Variants in WDR20 observed in about 807,000 individuals in gnomAD.
WDR20 encodes the protein WD repeat domain 20, also known as WD repeat-containing protein 20.
In WDR20, 3 loss-of-function variants were observed where a neutral mutation model predicts 38.7. The observed-to-expected ratio is 0.08, with a 90% CI of 0.04 to 0.20. WDR20 has a LOEUF of 0.20. WDR20 is among the 10% of genes least tolerant of loss of function. The pLI is 1.00. For missense variants in WDR20, 559 were observed against 727.7 expected, an observed-to-expected ratio of 0.77 and a Z score of 2.67; for synonymous variants, 298 against 285.6, an observed-to-expected ratio of 1.04 and a Z score of -0.44.
intron 1 of WDR20, among the ~76,000 whole-genome samples, chr14:102,171,876 GTTTTT>G (rs1011215592): frequency 2.8e-5 from 4 of 144,280 alleles, no homozygotes; most frequent in Admixed American, 6.8e-5. Context: ...GGATTTTTCT[GTTTTT>G]TATTTTTGTT....
intron 1 of WDR20, among the ~76,000 whole-genome samples, chr14:102,148,667 CTTTGTGTGTGTGTG>C (rs2054555891): frequency 2.1e-5 from 2 of 94,874 alleles, no homozygotes; most frequent in South Asian, 7.8e-4. Flanking sequence ...AAGAGTTTGG[CTTTGTGTGTGTGTG>C]TGTGTGTGTG....
intron 1 of WDR20, among the ~76,000 whole-genome samples, chr14:102,146,757 G>A (rs929457424): frequency 2.0e-5 from 3 of 152,028 alleles, no homozygotes; most frequent in African/African-American, 7.2e-5. Context: ...ATATTTTACT[G>A]CTTCAGAGAG....
downstream of WDR20, chr14:102,224,792 C>T (rs2064173442): frequency 6.6e-6 from 3 of 455,848 alleles, no homozygotes; most frequent in Non-Finnish European, 1.3e-5. Context: ...TGGAGTGAGT[C>T]TTCTAGAAAG....
chr14:102,199,749 C>A lies in WDR20; in HGVS notation c.432+4629C>A, dbSNP rs78529428. Among the ~76,000 whole-genome samples the A allele has an allele frequency of 4.1e-3, 630 of 152,268 alleles. 3 individuals carry two copies. The highest frequency in any genetic ancestry group is 5.7e-3 in the Admixed American group (87 of 15,300). On this transcript the variant is annotated intron_variant, in intron 2 of 2. Coordinates refer to ENST00000342702, the MANE Select transcript of WDR20 (RefSeq NM_144574.4). The stretch of plus-strand genomic sequence containing the variant: ...AAATGGAATTATAAATTTCAGAAAT[C>A]CACCTGAGATAAACATAGATGAAAA...
intron 1 of WDR20, among the ~76,000 whole-genome samples, chr14:102,168,861 A>G (rs577742248): frequency 6.6e-6 from 1 of 152,254 alleles, no homozygotes; most frequent in East Asian, 1.9e-4. Context: ...CACTTGGATT[A>G]TTACAGAGGT....
In WDR20 at chr14:102,210,292, G is replaced by A; in HGVS notation, c.*412G>A. 1.0e-6 allele frequency: 1 copy of A among 991,446 alleles called. No individual in the cohort carries two copies. Among genetic ancestry groups the A allele is most frequent in the Non-Finnish European group, 1.2e-6 (1 of 833,572 alleles). 61.4% of individuals were successfully genotyped at this position (991,446 alleles called of 1,614,324 possible). On this transcript the variant is annotated 3_prime_UTR_variant, in exon 3 of 3. Transcript: ENST00000342702. ...AATATTGTACACCTGATCAATGTGT[G>A]TTCAGCACAGATGGCCATGAATTGT...
chr14:102,174,170 T>G (rs948511270), intron 1 of WDR20, among the ~76,000 whole-genome samples: 32 of 152,312 alleles, frequency 2.1e-4, no homozygotes, highest in Non-Finnish European at 1.0e-4. Flanking sequence ...TGGTTCCATA[T>G]TTTTGCAATT....
At chr14:102,158,839 C>T (rs919347398) in intron 1 of WDR20, among the ~76,000 whole-genome samples, 1 of 152,156 alleles carries the variant, frequency 6.6e-6, no homozygotes, top group African/African-American at 2.4e-5. Flanking sequence ...TAAATCCCAC[C>T]TCATTTTGGC....
chr14:102,175,114 G>A (rs2061769995), intron 1 of WDR20, among the ~76,000 whole-genome samples: 1 of 152,170 alleles, frequency 6.6e-6, no homozygotes, highest in Admixed American at 6.5e-5. Flanking sequence ...TCTTGGTCAT[G>A]AAATCTTTGC....
At chr14:102,168,731 T>C (rs186482502) in intron 1 of WDR20, among the ~76,000 whole-genome samples, 1 of 152,324 alleles carries the variant, frequency 6.6e-6, no homozygotes, top group East Asian at 1.9e-4. Flanking sequence ...GAGTTCTTTT[T>C]TTCACGATCT....
chr14:102,199,071 A>C (rs941304225), intron 2 of WDR20, among the ~76,000 whole-genome samples: 1 of 152,078 alleles, frequency 6.6e-6, no homozygotes, highest in Non-Finnish European at 1.5e-5. Flanking sequence ...GCCTGATTAT[A>C]CTCCAAGATT....
rs765415798 is a variant in WDR20 at position 102,222,790 on chromosome 14, C to T, written c.1693-40C>T. 44 of 1,613,126 alleles carry T rather than the reference C, an allele frequency of 2.7e-5. No individual in the cohort carries two copies. Among genetic ancestry groups the T allele is most frequent in the African/African-American group, 5.3e-5 (4 of 75,030 alleles). On this transcript the variant is annotated intron_variant, in intron 3 of 3. Transcript: ENST00000335263. The surrounding 1 kb of genome is among the most constrained non-coding windows in gnomAD (Gnocchi z 4.4). Reference sequence around the variant, plus strand: ...GCGCGCATGGTGGCTGTTGCCCGTCCGGTGTTTTGCTGGATTAATGTAGAC... The same window carrying T: ...GCGCGCATGGTGGCTGTTGCCCGTCTGGTGTTTTGCTGGATTAATGTAGAC...
At chr14:102,211,234 G>A (rs1429186513), downstream of WDR20, among the ~76,000 whole-genome samples, 1 of 152,234 alleles carries the variant, frequency 6.6e-6, no homozygotes, top group East Asian at 1.9e-4. The surrounding 1 kb of genome is among the most constrained non-coding windows in gnomAD (Gnocchi z 4.2). Context: ...GTACACCTTT[G>A]TAATTAAATA....
At chr14:102,176,516 G>C (rs1281341890) in intron 1 of WDR20, among the ~76,000 whole-genome samples, 2 of 152,190 alleles carry the variant, frequency 1.3e-5, no homozygotes, top group East Asian at 3.9e-4. Context: ...GGCTAACATG[G>C]TGAAACCCCG....
At chr14:102,218,487 C>G (rs762172358), downstream of WDR20, among the ~76,000 whole-genome samples, 1 of 152,212 alleles carries the variant, frequency 6.6e-6, no homozygotes, top group Non-Finnish European at 1.5e-5. Flanking sequence ...ATCTCCAGTC[C>G]GAGCAGCACC....
chr14:102,159,258 A>G (rs533082532), intron 1 of WDR20, among the ~76,000 whole-genome samples: 2 of 151,948 alleles, frequency 1.3e-5, no homozygotes, highest in Non-Finnish European at 2.9e-5. Context: ...CTCATTTTCT[A>G]TGGGTCATGT....
intron 1 of WDR20, among the ~76,000 whole-genome samples, chr14:102,147,070 A>T (rs2053898382): frequency 1.3e-5 from 2 of 152,154 alleles, no homozygotes; most frequent in Admixed American, 1.3e-4. Flanking sequence ...TTCATACTAT[A>T]CCTGGGTTCT....
intron 1 of WDR20, chr14:102,193,617 A>C: frequency 8.9e-7 from 1 of 1,126,538 alleles, no homozygotes; most frequent in Admixed American, 2.8e-5. Context: ...TACATGTGCA[A>C]GGTTTTGAGT....
At chr14:102,163,613 G>A (rs1223284562) in intron 1 of WDR20, among the ~76,000 whole-genome samples, 1 of 96,956 alleles carries the variant, frequency 1.0e-5, no homozygotes, top group South Asian at 3.8e-4. Flanking sequence ...GGGTGACAGA[G>A]CAAGACTCTG....
Sources: allele counts gnomAD v4.1 joint callset (sites outside exome capture counted in the v4.1 genomes callset), GRCh38; gene constraint gnomAD v4.1.1; non-coding constraint Gnocchi (gnomAD v3.1); transcripts MANE v1.5; gene names NCBI Gene and HGNC (gene_info 2026-07-23, HGNC 2026-07-21).